GPC5: variants seen among roughly 807,000 people sequenced by gnomAD.
GPC5 encodes the protein glypican 5.
GPC5 carries 47 observed loss-of-function variants against 53.9 expected under a neutral mutation model. The ratio of observed to expected loss-of-function variants is 0.87; its 90% CI spans 0.69 to 1.11. GPC5 has a LOEUF of 1.11. Among genes scored for constraint, GPC5 ranks in the 50% most tolerant of loss-of-function variants. GPC5 has a pLI of 0.00. For missense variants in GPC5, 748 were observed against 713.1 expected, an observed-to-expected ratio of 1.05 and a Z score of -0.56; for synonymous variants, 286 against 263.3, an observed-to-expected ratio of 1.09 and a Z score of -0.84.
intron 7 of GPC5, among the ~76,000 whole-genome samples, chr13:92,611,834 T>C (rs1421851614): frequency 2.0e-5 from 3 of 152,174 alleles, no homozygotes; most frequent in African/African-American, 7.2e-5. Flanking sequence ...GAATATTTTA[T>C]AGCAGTGTAT....
chr13:92,064,999 T>C (rs960142955), intron 6 of GPC5, among the ~76,000 whole-genome samples: 1 of 152,008 alleles, frequency 6.6e-6, no homozygotes. Flanking sequence ...TAAAACCAAT[T>C]GTATTAATCA....
chr13:91,427,931 A>C (rs1236246037), intron 1 of GPC5, among the ~76,000 whole-genome samples: 1 of 152,054 alleles, frequency 6.6e-6, no homozygotes, highest in Non-Finnish European at 1.5e-5. Context: ...TGACACACAG[A>C]GTCTCTCTTG....
At chr13:91,596,506 G>A (rs550474726) in intron 2 of GPC5, among the ~76,000 whole-genome samples, 1 of 152,260 alleles carries the variant, frequency 6.6e-6, no homozygotes, top group South Asian at 2.1e-4. Context: ...TATGAGTTGT[G>A]TTTTCCTTAT....
intron 2 of GPC5, among the ~76,000 whole-genome samples, chr13:91,691,600 C>G (rs982135638): frequency 6.6e-6 from 1 of 152,132 alleles, no homozygotes; most frequent in Admixed American, 6.5e-5. Flanking sequence ...AAAGCTGTTA[C>G]CTTTGATTGC....
chr13:92,134,916 G>C (rs1157818237), intron 6 of GPC5, among the ~76,000 whole-genome samples: 8 of 152,006 alleles, frequency 5.3e-5, no homozygotes. Flanking sequence ...TAAAAAAATT[G>C]GGGTAGTATA....
chr13:92,058,033 C>T (rs956442031), intron 6 of GPC5, among the ~76,000 whole-genome samples: 4 of 152,126 alleles, frequency 2.6e-5, no homozygotes, highest in African/African-American at 9.7e-5. Flanking sequence ...TGAATGGGAT[C>T]TCATTGACTC....
At chr13:92,417,858 T>G (rs1177614680) in intron 7 of GPC5, among the ~76,000 whole-genome samples, 1 of 152,124 alleles carries the variant, frequency 6.6e-6, no homozygotes, top group Non-Finnish European at 1.5e-5. Flanking sequence ...ACCACTGCAT[T>G]CTAGCTTGGG....
intron 5 of GPC5, among the ~76,000 whole-genome samples, chr13:91,785,491 T>G (rs531316784): frequency 2.7e-5 from 4 of 148,970 alleles, no homozygotes; most frequent in African/African-American, 5.0e-5. Context: ...TTTAAATACA[T>G]GAATACGATA....
chr13:92,536,462 C>G (rs1881725719), intron 7 of GPC5, among the ~76,000 whole-genome samples: 1 of 152,064 alleles, frequency 6.6e-6, no homozygotes, highest in South Asian at 2.1e-4. Flanking sequence ...GAGATAGGCC[C>G]TCTCACCTCT....
intron 7 of GPC5, among the ~76,000 whole-genome samples, chr13:92,319,190 T>C (rs964421526): frequency 6.6e-6 from 1 of 152,138 alleles, no homozygotes; most frequent in Non-Finnish European, 1.5e-5. Context: ...TAATATCTGT[T>C]GTATTTCTAA....
At chr13:91,631,712 A>C (rs2034162352) in intron 2 of GPC5, among the ~76,000 whole-genome samples, 1 of 152,078 alleles carries the variant, frequency 6.6e-6, no homozygotes, top group African/African-American at 2.4e-5. Flanking sequence ...CTGTTGGTAG[A>C]AATTAGTTGT....
chr13:91,885,387 A>G (rs1182349998), intron 5 of GPC5, among the ~76,000 whole-genome samples: 1 of 152,140 alleles, frequency 6.6e-6, no homozygotes, highest in Non-Finnish European at 1.5e-5. Context: ...AAAATTCAGG[A>G]GTTTGGCTAG....
intron 6 of GPC5, among the ~76,000 whole-genome samples, chr13:92,041,921 T>G (rs2040944793): frequency 6.6e-6 from 1 of 152,312 alleles, no homozygotes; most frequent in East Asian, 1.9e-4. Flanking sequence ...GGAAAAGTTC[T>G]AAGTACTGAA....
At position 91,881,596 on chromosome 13, in the gene GPC5, C is replaced by A. The variant is rs373547545; in HGVS notation, c.1281-26341C>A. ...TTTAGACCTTTATACATCTATCTAT[C>A]TACCCACCCATTTATTAAATTTTCA... is the stretch of plus-strand genomic sequence containing the variant. On this transcript the variant is annotated intron_variant, in intron 5 of 7. Transcript: ENST00000377067. Among the ~76,000 whole-genome samples, 16 of 152,228 alleles carry A rather than the reference C, an allele frequency of 1.1e-4. No individual in the cohort carries two copies. In the South Asian group the frequency reaches 3.1e-3, roughly 30 times the overall value.
At chr13:92,219,903 A>G (rs1036173525) in intron 7 of GPC5, among the ~76,000 whole-genome samples, 4 of 151,978 alleles carry the variant, frequency 2.6e-5, no homozygotes, top group Admixed American at 6.6e-5. Context: ...TTAAGCCCCT[A>G]TGCTTGGCCC....
intron 6 of GPC5, among the ~76,000 whole-genome samples, chr13:91,908,820 T>C (rs867353494): frequency 6.6e-6 from 1 of 152,282 alleles, no homozygotes; most frequent in African/African-American, 2.4e-5. Flanking sequence ...GAACATACTT[T>C]CATTTTTCCT....
At chr13:92,083,339 C>T (rs1005178905) in intron 6 of GPC5, among the ~76,000 whole-genome samples, 1 of 152,026 alleles carries the variant, frequency 6.6e-6, no homozygotes, top group Non-Finnish European at 1.5e-5. Flanking sequence ...ACCAAAAAGG[C>T]AGTGGGGGAG....
chr13:91,874,371 T>C (rs1277739791), intron 5 of GPC5, among the ~76,000 whole-genome samples: 4 of 152,200 alleles, frequency 2.6e-5, no homozygotes, highest in Admixed American at 6.5e-5. Flanking sequence ...CTTTATAGGA[T>C]GTAGTCAGAA....
chr13:92,120,433 ATTT>A, intron 6 of GPC5, among the ~76,000 whole-genome samples: 1 of 151,980 alleles, frequency 6.6e-6, no homozygotes, highest in African/African-American at 2.4e-5. Flanking sequence ...ATTTTTTAAA[ATTT>A]TTTTGTAGAG....
Sources: allele counts gnomAD v4.1 joint callset (sites outside exome capture counted in the v4.1 genomes callset), GRCh38; gene constraint gnomAD v4.1.1; transcripts MANE v1.5; gene names NCBI Gene and HGNC (gene_info 2026-07-23, HGNC 2026-07-21).